TNFAIP8: variants seen among roughly 807,000 people sequenced by gnomAD.
TNFAIP8 encodes TNF alpha induced protein 8, also known as tumor necrosis factor alpha-induced protein 8.
TNFAIP8 carries 7 observed loss-of-function variants against 13.3 expected under a neutral mutation model. The observed-to-expected ratio is 0.52, with a 90% CI of 0.30 to 0.99. The LOEUF (loss-of-function observed/expected upper bound fraction) is 0.99. Among genes scored for constraint, TNFAIP8 ranks in the 50% least tolerant of loss-of-function variants. The probability of loss-of-function intolerance (pLI) is 0.07; values close to 1 mark genes in which losing one functional copy is unlikely to be tolerated. For synonymous variants in TNFAIP8, 94 were observed against 87.6 expected (o/e 1.07, Z -0.41); for missense variants, 258 against 236.9 (o/e 1.09, Z -0.58).
chr5:119,347,710 C>A (rs943456908), intron 1 of TNFAIP8, among the ~76,000 whole-genome samples: 4 of 152,196 alleles, frequency 2.6e-5, no homozygotes, highest in African/African-American at 9.6e-5. Context: ...AAAATAACCT[C>A]CCATTTTTCC....
chr5:119,286,241 C>T (rs935537185), intron 1 of TNFAIP8, among the ~76,000 whole-genome samples: 1 of 152,136 alleles, frequency 6.6e-6, no homozygotes, highest in African/African-American at 2.4e-5. Context: ...TGCACTTCCC[C>T]AGCCTTTACT....
chr5:119,333,108 T>C, intron 1 of TNFAIP8: 1 of 841,032 alleles, frequency 1.2e-6, no homozygotes, highest in African/African-American at 1.8e-5. Flanking sequence ...TTTTAGTTTT[T>C]TTTTTTTTCT....
intron 1 of TNFAIP8, among the ~76,000 whole-genome samples, chr5:119,269,323 G>T (rs1281599197): frequency 6.6e-6 from 1 of 152,176 alleles, no homozygotes; most frequent in Non-Finnish European, 1.5e-5. Flanking sequence ...GCCCCAGATT[G>T]CAGACTGAGA....
intron 1 of TNFAIP8, among the ~76,000 whole-genome samples, chr5:119,383,468 T>G (rs1164874721): frequency 2.6e-5 from 4 of 152,242 alleles, no homozygotes; most frequent in African/African-American, 4.8e-5. Context: ...GGATCCTTAC[T>G]GATAATGTGT....
At chr5:119,302,353 T>A (rs1749422005) in intron 1 of TNFAIP8, among the ~76,000 whole-genome samples, 1 of 152,212 alleles carries the variant, frequency 6.6e-6, no homozygotes, top group African/African-American at 2.4e-5. Context: ...AGAAAATGAT[T>A]TCTAGAGAAC....
rs980180326 is a variant in TNFAIP8, at chr5:119,397,798, C to G, written c.*4417C>G. 3.2e-4 allele frequency: 49 copies of G among 152,212 alleles called. No individual in the cohort carries two copies. The highest frequency in any genetic ancestry group is 1.1e-3 in the African/African-American group (47 of 41,456). The allele number at this position is 152,212 out of a possible 1,614,324, so 9.4% of individuals were successfully genotyped here. A position where few individuals can be genotyped will look rare whatever the true frequency, so the allele number is the denominator to read the frequency against. ...TATTGAAAATCTGTTTTCTCTTTTA[C>G]TAAGTGTCTGCACGGTCACTTATGT... On this transcript the variant is annotated 3_prime_UTR_variant, in exon 2 of 2. Coordinates refer to ENST00000504771, the MANE Select transcript of TNFAIP8 (RefSeq NM_014350.4).
At chr5:119,275,623 A>AT (rs1224765555) in intron 1 of TNFAIP8, among the ~76,000 whole-genome samples, 2 of 151,704 alleles carry the variant, frequency 1.3e-5, no homozygotes, top group African/African-American at 4.9e-5. Context: ...AAAACAGACC[A>AT]TTTTTTTCTT....
chr5:119,355,531 C>G (rs1023662909), upstream of TNFAIP8: 16 of 579,944 alleles, frequency 2.8e-5, no homozygotes, highest in Middle Eastern at 5.6e-4. Context: ...ACCAAAGCCG[C>G]TTTAAAATCC....
At chr5:119,303,542 C>T (rs931091217) in intron 1 of TNFAIP8, among the ~76,000 whole-genome samples, 1 of 152,106 alleles carries the variant, frequency 6.6e-6, no homozygotes, top group African/African-American at 2.4e-5. Flanking sequence ...TTTTGCTTCC[C>T]TTATCATTTG....
At chr5:119,282,044 C>T (rs73248971) in intron 1 of TNFAIP8, among the ~76,000 whole-genome samples, 18,087 of 152,164 alleles carry the variant, frequency 0.12, 1,599 homozygotes, top group African/African-American at 0.25. Flanking sequence ...TCCTGCTATA[C>T]GTGCTACTCT....
chr5:119,271,216 G>A (rs1166095686), intron 1 of TNFAIP8, among the ~76,000 whole-genome samples: 1 of 152,200 alleles, frequency 6.6e-6, no homozygotes, highest in Non-Finnish European at 1.5e-5. Context: ...GGTGTGTGGA[G>A]AGGAATGATT....
chr5:119,283,602 A>G (rs1748696999), intron 1 of TNFAIP8, among the ~76,000 whole-genome samples: 1 of 152,208 alleles, frequency 6.6e-6, no homozygotes. Context: ...GCTGTAAGAG[A>G]GTCGGTGATA....
At chr5:119,339,695 A>G (rs999676046) in intron 1 of TNFAIP8, among the ~76,000 whole-genome samples, 1 of 152,144 alleles carries the variant, frequency 6.6e-6, no homozygotes, top group African/African-American at 2.4e-5. Flanking sequence ...AAGTTGAACA[A>G]TGAGAATAAG....
At chr5:119,307,912 A>G (rs1056132664) in intron 1 of TNFAIP8, among the ~76,000 whole-genome samples, 1 of 152,200 alleles carries the variant, frequency 6.6e-6, no homozygotes, top group Non-Finnish European at 1.5e-5. Context: ...ATCAGTAGCT[A>G]GTACTGTCCT....
At chr5:119,349,369 C>G (rs1043823424) in intron 1 of TNFAIP8, among the ~76,000 whole-genome samples, 4 of 152,148 alleles carry the variant, frequency 2.6e-5, no homozygotes, top group Admixed American at 6.5e-5. Context: ...TTATAACAAC[C>G]CTGTTAAATA....
intron 1 of TNFAIP8, among the ~76,000 whole-genome samples, chr5:119,344,343 G>C (rs567717881): frequency 6.6e-6 from 1 of 152,230 alleles, no homozygotes; most frequent in Admixed American, 6.5e-5. Context: ...ATAGAGCAAG[G>C]ACTCACTCGT....
intron 1 of TNFAIP8, among the ~76,000 whole-genome samples, chr5:119,348,455 C>T (rs765951225): frequency 3.9e-5 from 6 of 152,030 alleles, no homozygotes; most frequent in African/African-American, 9.7e-5. Context: ...AACTTTCTAA[C>T]GGTTAGGATG....
chr5:119,333,368 G>A, intron 1 of TNFAIP8: 2 of 1,311,354 alleles, frequency 1.5e-6, no homozygotes, highest in South Asian at 2.2e-5. Context: ...AGAATAACAA[G>A]CAAGACAACT....
intron 1 of TNFAIP8, among the ~76,000 whole-genome samples, chr5:119,311,299 C>G (rs929332562): frequency 9.9e-5 from 15 of 151,566 alleles, no homozygotes; most frequent in Non-Finnish European, 1.5e-4. Context: ...GCTGAGATTA[C>G]AGGCATGAGT....
Sources: allele counts gnomAD v4.1 joint callset (sites outside exome capture counted in the v4.1 genomes callset), GRCh38; gene constraint gnomAD v4.1.1; transcripts MANE v1.5; gene names NCBI Gene and HGNC (gene_info 2026-07-23, HGNC 2026-07-21).